PLXDC2: variants seen among roughly 807,000 people sequenced by gnomAD.
PLXDC2 encodes the protein plexin domain-containing protein 2.
A neutral mutation model predicts 68.9 loss-of-function variants in PLXDC2; 40 were observed. The ratio of observed to expected loss-of-function variants is 0.58; its 90% CI spans 0.45 to 0.76. The LOEUF (loss-of-function observed/expected upper bound fraction) is 0.76, where lower values mean the gene tolerates loss of function less well. Ranked by LOEUF, PLXDC2 falls within the 30% of genes least tolerant of loss-of-function variation. The pLI is 0.00. For missense variants in PLXDC2, 644 were observed against 661.9 expected, an observed-to-expected ratio of 0.97 and a Z score of 0.30; for synonymous variants, 243 against 234.2, an observed-to-expected ratio of 1.04 and a Z score of -0.34.
At chr10:20,050,922 G>A (rs1161115306) in intron 3 of PLXDC2, among the ~76,000 whole-genome samples, 1 of 151,976 alleles carries the variant, frequency 6.6e-6, no homozygotes, top group Admixed American at 6.6e-5. Flanking sequence ...CTACCATAAA[G>A]ATACACACAT....
chr10:19,930,593 G>A (rs1833611647), intron 1 of PLXDC2, among the ~76,000 whole-genome samples: 1 of 152,008 alleles, frequency 6.6e-6, no homozygotes, highest in Admixed American at 6.5e-5. Context: ...TACTGATTTT[G>A]GAAAATATGT....
At chr10:20,276,052 C>A (rs962048708) in intron 13 of PLXDC2, among the ~76,000 whole-genome samples, 1 of 152,126 alleles carries the variant, frequency 6.6e-6, no homozygotes, top group Non-Finnish European at 1.5e-5. Flanking sequence ...GGGAAGTGAT[C>A]CCAGCCTCTT....
intron 1 of PLXDC2, among the ~76,000 whole-genome samples, chr10:19,837,407 A>AGTGTGT (rs1192315538): frequency 2.3e-5 from 2 of 87,554 alleles, no homozygotes; most frequent in African/African-American, 8.5e-5. Flanking sequence ...AGAGAGAGAG[A>AGTGTGT]GAGTGTGTGT....
At chr10:20,203,408 A>C (rs1209881772) in intron 9 of PLXDC2, among the ~76,000 whole-genome samples, 2 of 151,650 alleles carry the variant, frequency 1.3e-5, no homozygotes, top group Non-Finnish European at 2.9e-5. Context: ...GCACTCAAGC[A>C]ATCTTTCCAC....
intron 1 of PLXDC2, among the ~76,000 whole-genome samples, chr10:19,979,381 ATT>A (rs747330816): frequency 0.055 from 7,877 of 143,670 alleles, 259 homozygotes; most frequent in Middle Eastern, 0.097. Flanking sequence ...AGATAGATAG[ATT>A]TTTTTTTTTT....
chr10:20,134,714 C>T (rs78858215), intron 4 of PLXDC2, among the ~76,000 whole-genome samples: 5,175 of 152,180 alleles, frequency 0.034, 114 homozygotes, highest in South Asian at 0.064. Context: ...TACTTTGTAC[C>T]GGGTGCCACA....
At chr10:20,209,059 G>A (rs542005749) in intron 9 of PLXDC2, among the ~76,000 whole-genome samples, 125 of 152,220 alleles carry the variant, frequency 8.2e-4, no homozygotes, top group African/African-American at 2.9e-3. Context: ...CAGGACGGGG[G>A]CGAAATTAAA....
intron 1 of PLXDC2, among the ~76,000 whole-genome samples, chr10:19,966,370 A>AAAAATCTATATGTGCACATATAT (rs1834253585): frequency 7.5e-6 from 1 of 133,478 alleles, no homozygotes; most frequent in African/African-American, 2.8e-5. Context: ...CACATATATA[A>AAAAATCTATATGTGCACATATAT]AAAATATATA....
intron 1 of PLXDC2, among the ~76,000 whole-genome samples, chr10:19,851,018 T>C (rs1837106909): frequency 6.6e-6 from 1 of 152,166 alleles, no homozygotes; most frequent in African/African-American, 2.4e-5. Flanking sequence ...TTCTTGCTTT[T>C]GAAGTGTTCA....
chr10:19,931,165 G>A (rs889184266), intron 1 of PLXDC2, among the ~76,000 whole-genome samples: 2 of 152,212 alleles, frequency 1.3e-5, no homozygotes, highest in African/African-American at 4.8e-5. Context: ...CAAATGCATG[G>A]CAGGAAAAAG....
chr10:20,112,505 C>G (rs1237141524), intron 4 of PLXDC2, among the ~76,000 whole-genome samples: 1 of 152,148 alleles, frequency 6.6e-6, no homozygotes, highest in Non-Finnish European at 1.5e-5. Flanking sequence ...CTCCATCATC[C>G]CCTGCTTCAG....
At position 20,154,561 on chromosome 10, in the gene PLXDC2, C is replaced by G. The variant is rs969394129; in HGVS notation, c.783+6659C>G. Among the ~76,000 whole-genome samples the G allele has an allele frequency of 6.3e-5, 5 of 79,716 alleles. No homozygotes were observed. The East Asian group carries it at 1.2e-3, about 20-fold the overall frequency. The allele number at this position is 79,716 out of a possible 152,430, so 52.3% of individuals were successfully genotyped here. A position where few individuals can be genotyped will look rare whatever the true frequency, so the allele number is the denominator to read the frequency against. The stretch of plus-strand genomic sequence containing the variant: ...CCTGGGCGACAGAAGGAGACTCTGT[C>G]TCAAAAAAAAAAAAAAATGTATTTA... On this transcript the variant is annotated intron_variant, in intron 6 of 13. Transcript: ENST00000377252.
At chr10:19,960,013 G>T (rs1036117793) in intron 1 of PLXDC2, among the ~76,000 whole-genome samples, 1 of 152,006 alleles carries the variant, frequency 6.6e-6, no homozygotes, top group Non-Finnish European at 1.5e-5. Context: ...AAAATGTAAT[G>T]ACTTCATAAA....
intron 4 of PLXDC2, among the ~76,000 whole-genome samples, chr10:20,140,395 T>TAC (rs1833986943): frequency 9.6e-6 from 1 of 104,322 alleles, no homozygotes; most frequent in East Asian, 2.7e-4. Flanking sequence ...AACATATATA[T>TAC]ATATATAAAA....
At position 20,051,423 on chromosome 10, in the gene PLXDC2, T is replaced by C. The variant is rs1835898888; in HGVS notation, c.471+4408T>C. 3.8e-5 allele frequency among the ~76,000 whole-genome samples: 5 copies of C among 131,544 alleles called. No homozygotes were observed. The South Asian group carries it at 1.2e-3, about 32-fold the overall frequency. 86.3% of individuals were successfully genotyped at this position (131,544 alleles called of 152,430 possible). The stretch of plus-strand genomic sequence containing the variant: ...ATATATATATATATATATATATATA[T>C]ATATATATATATATATATATGTGCT... On this transcript the variant is annotated intron_variant, in intron 3 of 13. Transcript: ENST00000377252.
At chr10:19,947,420 C>T (rs977393799) in intron 1 of PLXDC2, among the ~76,000 whole-genome samples, 1 of 152,216 alleles carries the variant, frequency 6.6e-6, no homozygotes, top group Non-Finnish European at 1.5e-5. Context: ...CCGATGCTAG[C>T]TCTGTGTCCC....
In PLXDC2 at chr10:20,082,064, C is replaced by CAAAAAAAAAAAAAAAAA. The variant is rs1252447303; in HGVS notation, c.541+13837_541+13838insAAAAAAAAAAAAAAAAA. On this transcript the variant is annotated intron_variant, in intron 4 of 13. Coordinates refer to ENST00000377252, the MANE Select transcript of PLXDC2 (RefSeq NM_032812.9). ...CCATCTGAAAAAAAAAAAAAAAAAT[C>CAAAAAAAAAAAAAAAAA]AAAAAAAAAAAACAGGAGAAGTCTG... 2.7e-4 allele frequency among the ~76,000 whole-genome samples: 19 copies of CAAAAAAAAAAAAAAAAA among 70,136 alleles called. 4 individuals are homozygous for CAAAAAAAAAAAAAAAAA. The highest frequency in any genetic ancestry group is 5.7e-4 in the African/African-American group (10 of 17,478). The allele number at this position is 70,136 out of a possible 152,430, so 46.0% of individuals were successfully genotyped here. A position where few individuals can be genotyped will look rare whatever the true frequency, so the allele number is the denominator to read the frequency against.
intron 13 of PLXDC2, among the ~76,000 whole-genome samples, chr10:20,272,471 G>C (rs1175955623): frequency 1.3e-5 from 2 of 151,972 alleles, no homozygotes; most frequent in African/African-American, 4.8e-5. Flanking sequence ...TCAAGAAAGA[G>C]AGCTTGTCAC....
intron 1 of PLXDC2, among the ~76,000 whole-genome samples, chr10:19,893,723 G>A (rs1399027560): frequency 6.6e-6 from 1 of 152,202 alleles, no homozygotes; most frequent in African/African-American, 2.4e-5. Flanking sequence ...GTTATTGTAA[G>A]TGAAATTCTG....
Sources: allele counts gnomAD v4.1 joint callset (sites outside exome capture counted in the v4.1 genomes callset), GRCh38; gene constraint gnomAD v4.1.1; transcripts MANE v1.5; gene names NCBI Gene and HGNC (gene_info 2026-07-23, HGNC 2026-07-21).